Variants in ZNF385B observed in about 807,000 individuals in gnomAD.
ZNF385B encodes zinc finger protein 385B, also known as zinc finger protein 533.
A neutral mutation model predicts 39.2 loss-of-function variants in ZNF385B; 23 were observed. The ratio of observed to expected loss-of-function variants is 0.59; its 90% CI spans 0.42 to 0.83. ZNF385B has a LOEUF of 0.83. Ranked by LOEUF, ZNF385B falls within the 40% of genes least tolerant of loss-of-function variation. The pLI, the probability that ZNF385B is intolerant of heterozygous loss-of-function variation, is 0.00. For synonymous variants in ZNF385B, 205 were observed against 222.6 expected (o/e 0.92, Z 0.70); for missense variants, 552 against 598.9 (o/e 0.92, Z 0.82).
At chr2:179,676,040 A>T (rs974597305) in intron 3 of ZNF385B, among the ~76,000 whole-genome samples, 1 of 150,784 alleles carries the variant, frequency 6.6e-6, no homozygotes, top group Non-Finnish European at 1.5e-5. Flanking sequence ...GCCCACCCTC[A>T]GCCTCCCACA....
At chr2:179,661,083 G>A (rs1694411810) in intron 3 of ZNF385B, among the ~76,000 whole-genome samples, 1 of 152,050 alleles carries the variant, frequency 6.6e-6, no homozygotes, top group South Asian at 2.1e-4. Context: ...AACATGACTA[G>A]TTACTTTTAT....
At chr2:179,656,904 C>T (rs1032712372) in intron 3 of ZNF385B, among the ~76,000 whole-genome samples, 1 of 152,136 alleles carries the variant, frequency 6.6e-6, no homozygotes, top group Non-Finnish European at 1.5e-5. Flanking sequence ...TTTCAAGTCA[C>T]TCTTATTGCT....
At chr2:179,827,358 T>C (rs888004318) in intron 1 of ZNF385B, among the ~76,000 whole-genome samples, 49 of 152,074 alleles carry the variant, frequency 3.2e-4, no homozygotes, top group African/African-American at 1.1e-3. Context: ...CAGAATTCTG[T>C]CCCGTAAGCA....
intron 4 of ZNF385B, among the ~76,000 whole-genome samples, chr2:179,539,621 T>A (rs1000081561): frequency 6.6e-6 from 1 of 152,160 alleles, no homozygotes; most frequent in Non-Finnish European, 1.5e-5. Context: ...ATAAAGGAAA[T>A]AGGAGATCCT....
At position 179,785,849 on chromosome 2, in the gene ZNF385B, G is replaced by A. The variant is rs1226041219; in HGVS notation, c.-154-15177C>T. 3.9e-5 allele frequency among the ~76,000 whole-genome samples: 6 copies of A among 152,158 alleles called. No homozygotes were observed. The East Asian group carries it at 1.2e-3, about 29-fold the overall frequency. On this transcript the variant is annotated intron_variant, in intron 1 of 9. Transcript: ENST00000410066. Reference sequence around the variant, plus strand: ...TTTAGAATATTTCATAAATTTACCTGATAAAGCAGCAGCAGGTTTTGAGAA... The same window carrying A: ...TTTAGAATATTTCATAAATTTACCTAATAAAGCAGCAGCAGGTTTTGAGAA...
intron 3 of ZNF385B, among the ~76,000 whole-genome samples, chr2:179,683,214 C>T (rs1697660386): frequency 6.6e-6 from 1 of 151,868 alleles, no homozygotes. Flanking sequence ...ACGGTGAAAC[C>T]CTGTCTGTAC....
intron 3 of ZNF385B, among the ~76,000 whole-genome samples, chr2:179,688,475 C>T (rs574536251): frequency 2.1e-5 from 3 of 142,152 alleles, no homozygotes; most frequent in African/African-American, 8.0e-5. Context: ...CACAACCCCA[C>T]CCTGTCCCCC....
intron 5 of ZNF385B, among the ~76,000 whole-genome samples, chr2:179,487,808 T>C (rs992195307): frequency 6.6e-6 from 1 of 152,206 alleles, no homozygotes; most frequent in Admixed American, 6.5e-5. Flanking sequence ...TTGCCAGAAT[T>C]AGAAAGAGTC....
intron 3 of ZNF385B, among the ~76,000 whole-genome samples, chr2:179,589,335 CTGAA>C (rs1687363255): frequency 6.6e-6 from 1 of 152,144 alleles, no homozygotes; most frequent in African/African-American, 2.4e-5. Context: ...GAGCCAGAGA[CTGAA>C]TGATCCAGCT....
At chr2:179,715,472 T>C (rs538590706) in intron 3 of ZNF385B, among the ~76,000 whole-genome samples, 7 of 152,268 alleles carry the variant, frequency 4.6e-5, no homozygotes, top group Middle Eastern at 3.4e-3. Context: ...GAAAAAGGGA[T>C]TTACTGAGAA....
At chr2:179,649,974 T>G (rs1693062875) in intron 3 of ZNF385B, among the ~76,000 whole-genome samples, 1 of 152,202 alleles carries the variant, frequency 6.6e-6, no homozygotes, top group Admixed American at 6.5e-5. Flanking sequence ...CCCTTCCTTT[T>G]CCTGCTGTCC....
chr2:179,517,515 C>T (rs1417609431), intron 5 of ZNF385B, among the ~76,000 whole-genome samples: 2 of 149,800 alleles, frequency 1.3e-5, no homozygotes, highest in South Asian at 2.1e-4. Flanking sequence ...ATCTCTTTTC[C>T]AATGACTATG....
chr2:179,844,927 A>G (rs550193667), intron 1 of ZNF385B, among the ~76,000 whole-genome samples: 1 of 152,292 alleles, frequency 6.6e-6, no homozygotes, highest in South Asian at 2.1e-4. Flanking sequence ...CATGTCCAGG[A>G]CTTATTTATC....
At chr2:179,819,513 C>T (rs1355965335) in intron 1 of ZNF385B, among the ~76,000 whole-genome samples, 1 of 152,200 alleles carries the variant, frequency 6.6e-6, no homozygotes, top group African/African-American at 2.4e-5. Flanking sequence ...ACCTTTCCAC[C>T]CCTTCCAAGC....
At chr2:179,483,874 G>A (rs1277854867) in intron 5 of ZNF385B, among the ~76,000 whole-genome samples, 1 of 152,072 alleles carries the variant, frequency 6.6e-6, no homozygotes, top group African/African-American at 2.4e-5. Flanking sequence ...CTTTCTTCTG[G>A]GCTCTGCTCT....
chr2:179,852,668 C>T (rs1034159202), intron 1 of ZNF385B, among the ~76,000 whole-genome samples: 4 of 152,268 alleles, frequency 2.6e-5, no homozygotes, highest in East Asian at 1.9e-4. Flanking sequence ...AGAATTCACA[C>T]ATGATGGGAT....
chr2:179,791,551 G>A (rs1014670022), intron 1 of ZNF385B, among the ~76,000 whole-genome samples: 1 of 152,110 alleles, frequency 6.6e-6, no homozygotes, highest in Non-Finnish European at 1.5e-5. Context: ...ATAAACCAAG[G>A]CCAGGCTAGT....
At chr2:179,759,302 G>C (rs1386973014) in intron 3 of ZNF385B, among the ~76,000 whole-genome samples, 1 of 152,146 alleles carries the variant, frequency 6.6e-6, no homozygotes, top group East Asian at 1.9e-4. Context: ...ACCTAAGTGA[G>C]ATGTCTGGAA....
chr2:179,485,839 A>G (rs1486679773), intron 5 of ZNF385B, among the ~76,000 whole-genome samples: 1 of 152,182 alleles, frequency 6.6e-6, no homozygotes, highest in Non-Finnish European at 1.5e-5. Flanking sequence ...TGGACATATT[A>G]GTGATTTCCC....
Sources: gnomAD v4.1 joint callset for allele counts (sites outside exome capture counted in the v4.1 genomes callset) on GRCh38, gnomAD v4.1.1 for gene constraint, MANE v1.5 for transcripts, NCBI Gene and HGNC (gene_info 2026-07-23, HGNC 2026-07-21) for gene names.